Variants in RBMS3 observed in about 807,000 individuals in gnomAD.
RBMS3 encodes the protein RNA-binding motif, single-stranded-interacting protein 3.
In RBMS3, 27 loss-of-function variants were observed where a neutral mutation model predicts 66.8. The ratio of observed to expected loss-of-function variants is 0.40; its 90% CI spans 0.30 to 0.56. The LOEUF (loss-of-function observed/expected upper bound fraction) is 0.56. Among genes scored for constraint, RBMS3 ranks in the 20% least tolerant of loss-of-function variants. The pLI, the probability that RBMS3 is intolerant of heterozygous loss-of-function variation, is 0.40. For synonymous variants in RBMS3, 188 were observed against 183.0 expected, an observed-to-expected ratio of 1.03 and a Z score of -0.22; for missense variants, 513 against 549.5, an observed-to-expected ratio of 0.93 and a Z score of 0.66.
At chr3:29,398,656 C>T (rs959382777) in intron 1 of RBMS3, among the ~76,000 whole-genome samples, 2 of 152,040 alleles carry the variant, frequency 1.3e-5, no homozygotes, top group African/African-American at 4.8e-5. Context: ...TGTTGGTGAC[C>T]AGGATGTCTA....
intron 5 of RBMS3, 61 bp downstream of exon 5, chr3:29,739,938 C>G (rs1230945407): frequency 8.0e-7 from 1 of 1,253,994 alleles, no homozygotes; most frequent in African/African-American, 1.6e-5. Context: ...AATTCCATTC[C>G]TTTTTTAGTA....
chr3:29,643,037 T>C (rs1382807230), intron 4 of RBMS3, among the ~76,000 whole-genome samples: 1 of 152,164 alleles, frequency 6.6e-6, no homozygotes, highest in Non-Finnish European at 1.5e-5. Context: ...AATGACAATT[T>C]GAATAAACTC....
intron 1 of RBMS3, among the ~76,000 whole-genome samples, chr3:29,285,247 G>A (rs1646986326): frequency 7.7e-6 from 1 of 130,014 alleles, no homozygotes; most frequent in African/African-American, 2.8e-5. Flanking sequence ...GTGGGGGTGG[G>A]GGTGGTGGTG....
chr3:29,323,724 A>C (rs989155502), intron 1 of RBMS3, among the ~76,000 whole-genome samples: 12 of 140,592 alleles, frequency 8.5e-5, no homozygotes, highest in Non-Finnish European at 1.8e-4. Flanking sequence ...ACACACACAC[A>C]CACCCCTTGG....
At chr3:29,332,003 C>T (rs571431509) in intron 1 of RBMS3, among the ~76,000 whole-genome samples, 43 of 152,040 alleles carry the variant, frequency 2.8e-4, no homozygotes, top group South Asian at 1.5e-3. Context: ...GAATCCCTGA[C>T]AAGCAACTCA....
chr3:29,613,666 T>C (rs1435537301), intron 4 of RBMS3, among the ~76,000 whole-genome samples: 4 of 151,952 alleles, frequency 2.6e-5, no homozygotes, highest in South Asian at 2.1e-4. Flanking sequence ...AAATAATCAA[T>C]TGAAAAATGG....
intron 3 of RBMS3, among the ~76,000 whole-genome samples, chr3:29,497,130 C>G (rs1283210331): frequency 6.6e-6 from 1 of 152,008 alleles, no homozygotes; most frequent in African/African-American, 2.4e-5. Context: ...CTGCCTTAGC[C>G]TCTCAGGTAG....
chr3:29,354,259 A>G (rs905101395), intron 1 of RBMS3, among the ~76,000 whole-genome samples: 7 of 152,110 alleles, frequency 4.6e-5, no homozygotes, highest in Middle Eastern at 3.2e-3. Flanking sequence ...ATGTGTGTGT[A>G]TGGTGTATAT....
intron 12 of RBMS3, among the ~76,000 whole-genome samples, chr3:29,971,697 G>T (rs1697236254): frequency 6.6e-6 from 1 of 151,970 alleles, no homozygotes; most frequent in African/African-American, 2.4e-5. Flanking sequence ...AACGAATTAG[G>T]CATGGTCTTT....
intron 4 of RBMS3, among the ~76,000 whole-genome samples, chr3:29,663,291 T>C (rs939469832): frequency 1.3e-5 from 2 of 152,248 alleles, no homozygotes; most frequent in African/African-American, 4.8e-5. Context: ...CTATGAAGTA[T>C]ACAAATGGTC....
At chr3:29,589,941 A>G (rs536792587) in intron 4 of RBMS3, among the ~76,000 whole-genome samples, 2 of 152,190 alleles carry the variant, frequency 1.3e-5, no homozygotes, top group South Asian at 2.1e-4. Flanking sequence ...TAGCTAGCTT[A>G]TTCCAGTGTG....
intron 3 of RBMS3, among the ~76,000 whole-genome samples, chr3:29,571,974 T>C (rs936596798): frequency 1.3e-5 from 2 of 151,876 alleles, no homozygotes; most frequent in Admixed American, 1.3e-4. Flanking sequence ...TTTTACAGTT[T>C]TAATTATAGA....
chr3:29,804,902 G>A (rs41402044), intron 6 of RBMS3, among the ~76,000 whole-genome samples: 18,697 of 150,404 alleles, frequency 0.12, 1,324 homozygotes, highest in African/African-American at 0.2. Context: ...TGCTTTCTGG[G>A]CAAAGAATCT....
At chr3:29,563,846 G>A (rs1435152123) in intron 3 of RBMS3, among the ~76,000 whole-genome samples, 1 of 151,888 alleles carries the variant, frequency 6.6e-6, no homozygotes, top group Non-Finnish European at 1.5e-5. Flanking sequence ...GCAACATAGA[G>A]ATACTCTGTC....
At chr3:29,961,420 G>A (rs1299814719) in intron 12 of RBMS3, among the ~76,000 whole-genome samples, 3 of 152,114 alleles carry the variant, frequency 2.0e-5, no homozygotes, top group Middle Eastern at 3.4e-3. Context: ...CAACCTCTAC[G>A]TGTTACCCAG....
intron 1 of RBMS3, among the ~76,000 whole-genome samples, chr3:29,428,040 G>A (rs867701834): frequency 3.0e-4 from 45 of 152,198 alleles, no homozygotes; most frequent in African/African-American, 9.2e-4. Context: ...GTGGAACTGC[G>A]TATGTTGGAG....
At chr3:29,396,434 C>A (rs979146370) in intron 1 of RBMS3, among the ~76,000 whole-genome samples, 1 of 151,966 alleles carries the variant, frequency 6.6e-6, no homozygotes, top group Non-Finnish European at 1.5e-5. Flanking sequence ...GGTTAAATGG[C>A]AAAATTGGAG....
intron 3 of RBMS3, among the ~76,000 whole-genome samples, chr3:29,567,475 A>G (rs1454850117): frequency 3.3e-5 from 5 of 152,164 alleles, no homozygotes; most frequent in Non-Finnish European, 7.4e-5. Flanking sequence ...TAAACGCTAT[A>G]CAGACCCTCT....
chr3:29,397,227 A>G (rs767933795), intron 1 of RBMS3, among the ~76,000 whole-genome samples: 20 of 152,174 alleles, frequency 1.3e-4, no homozygotes, highest in Admixed American at 2.6e-4. Flanking sequence ...TGTGTGTTAT[A>G]TGTAAAGTAC....
Sources: allele counts gnomAD v4.1 joint callset (sites outside exome capture counted in the v4.1 genomes callset), GRCh38; gene constraint gnomAD v4.1.1; transcripts MANE v1.5; gene names NCBI Gene and HGNC (gene_info 2026-07-23, HGNC 2026-07-21).